Variants in CCT4 observed in about 807,000 individuals in gnomAD.
The protein encoded by CCT4 is chaperonin containing TCP1 subunit 4.
CCT4 carries 17 observed loss-of-function variants against 62.5 expected under a neutral mutation model. The observed-to-expected ratio is 0.27, with a 90% CI of 0.19 to 0.41. The LOEUF is 0.41. Ranked by LOEUF, CCT4 falls within the 10% of genes least tolerant of loss-of-function variation. CCT4 has a pLI of 1.00. For synonymous variants in CCT4, 250 were observed against 229.9 expected (o/e 1.09, Z -0.79); for missense variants, 592 against 659.2 (o/e 0.90, Z 1.12).
chr2:61,881,523 TG>T, intron 3 of CCT4, among the ~76,000 whole-genome samples: 1 of 152,256 alleles, frequency 6.6e-6, no homozygotes, highest in South Asian at 2.1e-4. Flanking sequence ...ACATACTATT[TG>T]TAAAATAGTA....
In CCT4 at chr2:61,876,852, A is replaced by G. The variant is rs1358657500; in HGVS notation, c.777+68T>C. ...ATCACTAGTAGTATTTTCTATTTTT[A>G]ATAAAGAAATGCCTGAGTTATTAAA... is the stretch of plus-strand genomic sequence containing the variant. On this transcript the variant is annotated intron_variant, in intron 7 of 13. Transcript: ENST00000394440. 3.2e-5 allele frequency: 43 copies of G among 1,339,198 alleles called. 1 individual carries two copies. The allele number at this position is 1,339,198 out of a possible 1,614,324, so 83.0% of individuals were successfully genotyped here. A position where few individuals can be genotyped will look rare whatever the true frequency, so the allele number is the denominator to read the frequency against.
At chr2:61,873,323 T>C (rs1172602153) in intron 8 of CCT4, 30 bp from the exon 9 acceptor site, 1 of 1,252,198 alleles carries the variant, frequency 8.0e-7, no homozygotes. Flanking sequence ...ATTATGTCAA[T>C]GCTAGATTAA....
At chr2:61,885,409 G>GTAT (rs201726440) in intron 1 of CCT4, among the ~76,000 whole-genome samples, 6 of 151,940 alleles carry the variant, frequency 3.9e-5, no homozygotes, top group Non-Finnish European at 7.4e-5. Context: ...AACGTACACA[G>GTAT]TATTATTATT....
intron 3 of CCT4, among the ~76,000 whole-genome samples, chr2:61,882,509 TTGTG>T (rs1353320365): frequency 6.6e-6 from 1 of 152,020 alleles, no homozygotes; most frequent in Admixed American, 6.6e-5. Flanking sequence ...ATAAGGTGAC[TTGTG>T]TTTCTTTCTT....
intron 4 of CCT4, 109 bp from the exon 5 acceptor site, chr2:61,879,120 C>G (rs74766512): frequency 1.4e-6 from 1 of 732,756 alleles, no homozygotes; most frequent in Non-Finnish European, 2.2e-6. Context: ...TTTAACTATT[C>G]TTAATTACAA....
In CCT4 at chr2:61,880,344, T is replaced by C. The variant is rs1319244648; in HGVS notation, c.321A>G (p.Thr107=). The C allele has an allele frequency of 1.2e-6, 2 of 1,607,938 alleles. No homozygotes were observed. The highest frequency in any genetic ancestry group is 1.3e-5 in the African/African-American group (1 of 74,570). The change falls in exon 4 of 14, where the codon ACA becomes ACG. Residue 107 remains threonine (T), a synonymous_variant. Transcript: ENST00000394440. The part of the protein sequence containing the change: ...AQDIEAGDGT[T]SVVIIAGSLL... ...GGGAGCCAGCAATGATGACTACTGA[T>C]GTGGTGCCATCTCCTGCTTCTATAT... is the stretch of plus-strand genomic sequence containing the variant.
At chr2:61,881,220 T>C (rs1478061835) in intron 3 of CCT4, among the ~76,000 whole-genome samples, 2 of 56,704 alleles carry the variant, frequency 3.5e-5, no homozygotes, top group Non-Finnish European at 8.1e-5. Context: ...CTTTCTTATT[T>C]TATGTTCCAA....
rs1336904387 is a variant in CCT4, at chr2:61,888,133, C to T, written c.127+248G>A. 7 of 458,650 alleles carry T rather than the reference C, an allele frequency of 1.5e-5. No individual in the cohort carries two copies. The East Asian group carries it at 2.5e-4, about 16-fold the overall frequency. 28.4% of individuals were successfully genotyped at this position (458,650 alleles called of 1,614,324 possible). ...TTTCGGCTCCAATATGAATGATGCACAGTGCAGGATGAAAAACTAAGGGAG... is the reference window on the plus strand; with the variant it reads ...TTTCGGCTCCAATATGAATGATGCATAGTGCAGGATGAAAAACTAAGGGAG... On this transcript the variant is annotated intron_variant, in intron 1 of 13. Coordinates refer to ENST00000394440, the MANE Select transcript of CCT4 (RefSeq NM_006430.4).
chr2:61,869,593 G>T, intron 12 of CCT4, 40 bp from the exon 13 acceptor site: 1 of 1,098,364 alleles, frequency 9.1e-7, no homozygotes, highest in Non-Finnish European at 1.4e-6. Context: ...TAGTGTCTGT[G>T]ATAATACACA....
At chr2:61,875,677 C>G (rs551364127) in intron 8 of CCT4, among the ~76,000 whole-genome samples, 2 of 151,846 alleles carry the variant, frequency 1.3e-5, no homozygotes, top group African/African-American at 4.8e-5. Context: ...TCCTTAAGGG[C>G]TCCACCCTGA....
intron 2 of CCT4, 139 bp from the exon 3 acceptor site, chr2:61,883,687 T>C (rs1239475948): frequency 1.2e-5 from 7 of 601,352 alleles, no homozygotes; most frequent in East Asian, 9.1e-5. Flanking sequence ...ATTAGCATAA[T>C]AGTTTAAGAA....
chr2:61,873,545 A>G (rs1313390188), intron 8 of CCT4, among the ~76,000 whole-genome samples: 2 of 150,636 alleles, frequency 1.3e-5, no homozygotes, highest in Non-Finnish European at 3.0e-5. Flanking sequence ...CTAGGTCATT[A>G]TTTTTTCCCC....
intron 3 of CCT4, among the ~76,000 whole-genome samples, chr2:61,880,918 C>A (rs754055112): frequency 7.2e-5 from 11 of 151,860 alleles, no homozygotes; most frequent in Non-Finnish European, 1.5e-4. Flanking sequence ...AGAGACGGGG[C>A]CCCATTATGT....
At position 61,868,600 on chromosome 2, in the gene CCT4, A is replaced by G; in HGVS notation, c.*92T>C. 1 of 968,736 alleles carries G rather than the reference A, an allele frequency of 1.0e-6. No individual in the cohort carries two copies. 60.0% of individuals were successfully genotyped at this position (968,736 alleles called of 1,614,324 possible). On this transcript the variant is annotated 3_prime_UTR_variant, in exon 14 of 14. Coordinates refer to ENST00000394440, the MANE Select transcript of CCT4 (RefSeq NM_006430.4). ...AAGACCAAGCCCAGAAATTCAGAGG[A>G]AATAATCTTCCAAACAAGGAACACC...
intron 13 of CCT4, 53 bp from the exon 14 acceptor site, chr2:61,868,759 C>T: frequency 1.5e-6 from 2 of 1,323,882 alleles, no homozygotes; most frequent in Admixed American, 3.4e-5. Context: ...AATTTTAAAG[C>T]TGGAAAATGT....
At chr2:61,886,613 A>G (rs531414826) in intron 1 of CCT4, among the ~76,000 whole-genome samples, 6 of 152,266 alleles carry the variant, frequency 3.9e-5, no homozygotes, top group South Asian at 2.1e-4. Flanking sequence ...ATCTTCACAG[A>G]TAACTTAGGT....
At chr2:61,886,871 T>G (rs1669264888) in intron 1 of CCT4, among the ~76,000 whole-genome samples, 1 of 152,082 alleles carries the variant, frequency 6.6e-6, no homozygotes, top group Non-Finnish European at 1.5e-5. Context: ...GCTATTCCCC[T>G]GCCTCAGCCT....
At chr2:61,871,063 G>A in intron 12 of CCT4, among the ~76,000 whole-genome samples, 1 of 137,822 alleles carries the variant, frequency 7.3e-6, no homozygotes. Context: ...ACGGAGTCTC[G>A]CCCTGTCGCC....
At chr2:61,869,655 TTCTG>T (rs149499966) in intron 12 of CCT4, 102 bp from the exon 13 acceptor site, 132,865 of 695,630 alleles carry the variant, frequency 0.19, 14,293 homozygotes, top group Middle Eastern at 0.26. Context: ...CTAGTTTTCT[TTCTG>T]TCTAAGAAGA....
Sources: gnomAD v4.1 joint callset for allele counts (sites outside exome capture counted in the v4.1 genomes callset) on GRCh38, gnomAD v4.1.1 for gene constraint, MANE v1.5 for transcripts, NCBI Gene and HGNC (gene_info 2026-07-23, HGNC 2026-07-21) for gene names.